The following PPM1L variants were observed in gnomAD, a reference collection of about 807,000 sequenced individuals.
PPM1L encodes the protein protein phosphatase, Mg2+/Mn2+ dependent 1L, also known as protein phosphatase 1L.
PPM1L carries 13 observed loss-of-function variants against 31.4 expected under a neutral mutation model. That is an observed-to-expected ratio of 0.41 (90% CI 0.27 to 0.66). PPM1L has a LOEUF of 0.66. Ranked by LOEUF, PPM1L falls within the 30% of genes least tolerant of loss-of-function variation. The pLI is 0.29. For missense variants in PPM1L, 326 were observed against 453.7 expected, an observed-to-expected ratio of 0.72 and a Z score of 2.56; for synonymous variants, 184 against 175.4, an observed-to-expected ratio of 1.05 and a Z score of -0.39.
chr3:160,980,880 C>T (rs1284466017), intron 2 of PPM1L, among the ~76,000 whole-genome samples: 1 of 152,066 alleles, frequency 6.6e-6, no homozygotes, highest in African/African-American at 2.4e-5. Context: ...AACACTCTAC[C>T]AATGATAGTC....
chr3:161,060,413 T>C (rs1216612050), intron 2 of PPM1L, among the ~76,000 whole-genome samples: 2 of 152,152 alleles, frequency 1.3e-5, no homozygotes, highest in African/African-American at 4.8e-5. Flanking sequence ...CATGCAGGAC[T>C]TGCCACCATT....
rs1270510927 is a variant in PPM1L, at chr3:161,072,388, A to G, written c.*3231A>G. On this transcript the variant is annotated 3_prime_UTR_variant, in exon 4 of 4. Transcript: ENST00000498165. Reference sequence around the variant, plus strand: ...GGTATTGGCTTCTTGAATCTTGTATATGTCATAAGAATATTATACAGAGAG... The same window carrying G: ...GGTATTGGCTTCTTGAATCTTGTATGTGTCATAAGAATATTATACAGAGAG... 6.6e-6 allele frequency: 1 copy of G among 152,216 alleles called. No individual in the cohort carries two copies. The highest frequency in any genetic ancestry group is 2.4e-5 in the African/African-American group (1 of 41,446). 9.4% of individuals were successfully genotyped at this position (152,216 alleles called of 1,614,324 possible).
At chr3:160,807,324 A>G (rs1366209193) in intron 1 of PPM1L, among the ~76,000 whole-genome samples, 4 of 152,328 alleles carry the variant, frequency 2.6e-5, no homozygotes, top group Middle Eastern at 3.4e-3. Flanking sequence ...ACAAGTTATT[A>G]ATCATCAATG....
At chr3:160,923,864 T>C (rs1559889233) in intron 1 of PPM1L, among the ~76,000 whole-genome samples, 1 of 152,314 alleles carries the variant, frequency 6.6e-6, no homozygotes, top group East Asian at 1.9e-4. Context: ...CTCCTTGGGC[T>C]CTGGGACTCC....
intron 1 of PPM1L, among the ~76,000 whole-genome samples, chr3:160,792,910 G>A (rs1224631965): frequency 6.6e-6 from 1 of 152,190 alleles, no homozygotes; most frequent in Non-Finnish European, 1.5e-5. Context: ...ATTGATATAT[G>A]ATTACCAACG....
At chr3:160,882,522 G>T (rs563473748) in intron 1 of PPM1L, among the ~76,000 whole-genome samples, 1 of 152,100 alleles carries the variant, frequency 6.6e-6, no homozygotes, top group Non-Finnish European at 1.5e-5. Context: ...AAAGATATTG[G>T]ATTAGTTTCC....
At chr3:160,885,748 G>A (rs957344288) in intron 1 of PPM1L, among the ~76,000 whole-genome samples, 9 of 152,188 alleles carry the variant, frequency 5.9e-5, no homozygotes, top group East Asian at 5.8e-4. Context: ...ACCTACCCAC[G>A]CCACGGGGTC....
chr3:160,862,124 T>C (rs1432717746), intron 1 of PPM1L, among the ~76,000 whole-genome samples: 1 of 152,140 alleles, frequency 6.6e-6, no homozygotes, highest in Non-Finnish European at 1.5e-5. Context: ...CCTACCACAC[T>C]GATGATGATG....
chr3:160,948,823 G>A lies in PPM1L; in HGVS notation c.400-12913G>A, dbSNP rs539098514. 1.6e-4 allele frequency among the ~76,000 whole-genome samples: 25 copies of A among 152,128 alleles called. No individual in the cohort carries two copies. The South Asian group carries it at 4.1e-3, about 25-fold the overall frequency. ...TTTACTTGCCAAACTCTGTCTTGGG[G>A]GACTCTTCTTGTGGAGGGTCTTGTA... On this transcript the variant is annotated intron_variant, in intron 1 of 3. Coordinates refer to ENST00000498165, the MANE Select transcript of PPM1L (RefSeq NM_139245.4).
chr3:161,025,248 G>C (rs548209797), intron 2 of PPM1L, among the ~76,000 whole-genome samples: 352 of 152,216 alleles, frequency 2.3e-3, no homozygotes, highest in African/African-American at 8.3e-3. Flanking sequence ...TCTCCTTCAT[G>C]AATAGGTATA....
At chr3:160,811,649 G>C (rs1712808520) in intron 1 of PPM1L, among the ~76,000 whole-genome samples, 1 of 152,166 alleles carries the variant, frequency 6.6e-6, no homozygotes, top group Non-Finnish European at 1.5e-5. Context: ...TTAGCACAGT[G>C]GAAGTGTGGA....
chr3:160,921,626 AAAT>A (rs1220066722), intron 1 of PPM1L, among the ~76,000 whole-genome samples: 4 of 152,184 alleles, frequency 2.6e-5, no homozygotes, highest in African/African-American at 7.2e-5. Context: ...ACTGGATAGT[AAAT>A]AATAACTTCA....
At chr3:161,054,392 T>C (rs980283090) in intron 2 of PPM1L, among the ~76,000 whole-genome samples, 3 of 151,530 alleles carry the variant, frequency 2.0e-5, no homozygotes, top group African/African-American at 7.3e-5. Flanking sequence ...CTTCCTGGGG[T>C]CAGTGGGTAC....
chr3:160,898,168 G>A (rs1031032427), intron 1 of PPM1L, among the ~76,000 whole-genome samples: 2 of 152,088 alleles, frequency 1.3e-5, no homozygotes, highest in African/African-American at 2.4e-5. Flanking sequence ...GGCATGCAGA[G>A]CCTCATATAT....
chr3:160,886,248 T>C (rs2108041929), intron 1 of PPM1L, among the ~76,000 whole-genome samples: 1 of 152,310 alleles, frequency 6.6e-6, no homozygotes, highest in Non-Finnish European at 1.5e-5. Context: ...CTGTAGTCTC[T>C]GTGGACCAGC....
intron 2 of PPM1L, among the ~76,000 whole-genome samples, chr3:161,041,104 C>T (rs952815357): frequency 2.6e-5 from 4 of 152,142 alleles, no homozygotes; most frequent in African/African-American, 4.8e-5. Context: ...GAACCTTGGC[C>T]TCCACAATCT....
intron 1 of PPM1L, among the ~76,000 whole-genome samples, chr3:160,803,430 C>G: frequency 6.8e-6 from 1 of 146,236 alleles, no homozygotes; most frequent in South Asian, 2.2e-4. Context: ...AATGGTATGT[C>G]AGACAAGTTT....
intron 2 of PPM1L, among the ~76,000 whole-genome samples, chr3:160,970,113 A>T (rs921935867): frequency 4.6e-5 from 7 of 152,218 alleles, no homozygotes; most frequent in Admixed American, 4.6e-4. Context: ...TTGAGTGGAT[A>T]TACCACAGTT....
rs1719889159 is a variant in PPM1L at position 161,070,815 on chromosome 3, G to C, written c.*1658G>C. ...TTTTCCCAAAGCAGTGTCCAGGAGA[G>C]AATTTGAGAGAGTGAAGAAATTGCC... On this transcript the variant is annotated 3_prime_UTR_variant, in exon 4 of 4. Transcript: ENST00000498165. 6.6e-6 allele frequency: 1 copy of C among 152,198 alleles called. No individual in the cohort carries two copies. The highest frequency in any genetic ancestry group is 2.4e-5 in the African/African-American group (1 of 41,436). 9.4% of individuals were successfully genotyped at this position (152,198 alleles called of 1,614,324 possible).
Sources: gnomAD v4.1 joint callset for allele counts (sites outside exome capture counted in the v4.1 genomes callset) on GRCh38, gnomAD v4.1.1 for gene constraint, MANE v1.5 for transcripts, NCBI Gene and HGNC (gene_info 2026-07-23, HGNC 2026-07-21) for gene names.